Variants in EEF1E1 observed in about 807,000 individuals in gnomAD.
The protein encoded by EEF1E1 is eukaryotic translation elongation factor 1 epsilon 1.
In EEF1E1, 19 loss-of-function variants were observed where a neutral mutation model predicts 19.9. The observed-to-expected ratio is 0.95, with a 90% confidence interval of 0.66 to 1.40. EEF1E1 has a LOEUF of 1.40. Ranked by LOEUF, EEF1E1 falls within the 40% of genes most tolerant of loss-of-function variation. EEF1E1 has a pLI of 0.00. For missense variants in EEF1E1, 198 were observed against 202.2 expected (o/e 0.98, Z 0.13); for synonymous variants, 81 against 80.0 (o/e 1.01, Z -0.07).
chr6:8,078,836 T>G (rs1381171233), downstream of EEF1E1: 2 of 1,133,748 alleles, frequency 1.8e-6, no homozygotes, highest in Non-Finnish European at 2.2e-6. Flanking sequence ...AATTTAGCAT[T>G]ATCTTTTTAT....
chr6:8,075,797 C>T (rs575859621), downstream of EEF1E1, among the ~76,000 whole-genome samples: 2 of 152,208 alleles, frequency 1.3e-5, no homozygotes, highest in Non-Finnish European at 2.9e-5. Flanking sequence ...GATGGCATTT[C>T]AACCAAAGTA....
At chr6:8,084,647 C>G (rs1757801917) in intron 3 of EEF1E1, among the ~76,000 whole-genome samples, 1 of 152,168 alleles carries the variant, frequency 6.6e-6, no homozygotes, top group Non-Finnish European at 1.5e-5. Context: ...CAAAGGACGA[C>G]TGATGATATT....
At chr6:8,094,123 C>A (rs762037066) in intron 2 of EEF1E1, among the ~76,000 whole-genome samples, 12 of 151,888 alleles carry the variant, frequency 7.9e-5, no homozygotes, top group Non-Finnish European at 1.8e-4. Flanking sequence ...TTTAAATTTT[C>A]TTGTTTTGGT....
downstream of EEF1E1, chr6:8,079,306 T>C (rs1273556538): frequency 1.6e-6 from 1 of 622,042 alleles, no homozygotes; most frequent in African/African-American, 2.0e-5. Flanking sequence ...AAGAGGAATG[T>C]ATCTTACTCC....
At chr6:8,077,729 C>T (rs1280218871), downstream of EEF1E1, among the ~76,000 whole-genome samples, 1 of 152,224 alleles carries the variant, frequency 6.6e-6, no homozygotes, top group African/African-American at 2.4e-5. Flanking sequence ...CAAACTTTCT[C>T]CCTACCAGCA....
chr6:8,079,986 A>G lies in EEF1E1; in HGVS notation c.429T>C (p.Ser143=), dbSNP rs1334639424. 1.2e-6 allele frequency: 2 copies of G among 1,613,730 alleles called. No homozygotes were observed. Among genetic ancestry groups the G allele is most frequent in the Middle Eastern group, 1.7e-4 (1 of 6,028 alleles). Residue 143 remains serine, a synonymous_variant, in exon 4 of 4, where the codon TCT becomes TCC. Transcript: ENST00000379715. ...AATGCTGAATGTGACAAAACCAGCG[A>G]GACACATTAAGATATTTCTCCTTTT... The part of the protein sequence containing the change: ...VQEKEKYLNV[S]RWFCHIQHYP...
rs1158396672 is a variant in EEF1E1, at chr6:8,099,275, T to A, written c.88-1808A>T. Among the ~76,000 whole-genome samples the A allele has an allele frequency of 3.3e-5, 5 of 152,242 alleles. No individual in the cohort carries two copies. The East Asian group carries it at 7.7e-4, about 23-fold the overall frequency. Reference sequence around the variant, plus strand: ...GCTCCCTTAAGATTATAATCAAGTATTTTTACTGTACCTTTTCTATGTTTC... The same window carrying A: ...GCTCCCTTAAGATTATAATCAAGTAATTTTACTGTACCTTTTCTATGTTTC... On this transcript the variant is annotated intron_variant, in intron 1 of 3. Transcript: ENST00000379715.
chr6:8,097,496 T>C (rs760582311), intron 1 of EEF1E1, 29 bp from the exon 2 acceptor site: 2 of 1,581,788 alleles, frequency 1.3e-6, no homozygotes, highest in African/African-American at 2.7e-5. Flanking sequence ...TTCACAGAAT[T>C]TAAAAAACAA....
intron 1 of EEF1E1, chr6:8,101,947 A>T: frequency 8.0e-7 from 1 of 1,253,104 alleles, no homozygotes; most frequent in South Asian, 1.3e-5. Context: ...CCACCTGGCC[A>T]AAAAGCAAGC....
rs115235957 is a variant in EEF1E1, at chr6:8,082,737, T to C, written c.385-2707A>G. On this transcript the variant is annotated intron_variant, in intron 3 of 3. Transcript: ENST00000379715. ...TGAGGTTACGGTTACCACTTTCACCTCTTTTTACAGTTTAAACTTTGGAAC... is the reference window on the plus strand; with the variant it reads ...TGAGGTTACGGTTACCACTTTCACCCCTTTTTACAGTTTAAACTTTGGAAC... 7.7e-3 allele frequency among the ~76,000 whole-genome samples: 1,176 copies of C among 152,340 alleles called. 15 individuals are homozygous for C. The highest frequency in any genetic ancestry group is 0.026 in the African/African-American group (1,098 of 41,572).
intron 1 of EEF1E1, among the ~76,000 whole-genome samples, chr6:8,097,693 C>T (rs1325728715): frequency 6.6e-6 from 1 of 152,076 alleles, no homozygotes; most frequent in Non-Finnish European, 1.5e-5. Flanking sequence ...TTGCAAAAAT[C>T]CGTATAATAT....
intron 3 of EEF1E1, among the ~76,000 whole-genome samples, chr6:8,081,969 T>A (rs1581457149): frequency 6.6e-6 from 1 of 152,236 alleles, no homozygotes; most frequent in African/African-American, 2.4e-5. Flanking sequence ...AATAGAGTAC[T>A]AATGCTTGTT....
chr6:8,076,976 G>T (rs1384109043), downstream of EEF1E1, among the ~76,000 whole-genome samples: 49 of 92,562 alleles, frequency 5.3e-4, no homozygotes, highest in South Asian at 3.2e-3. Context: ...GGAGTCTCGC[G>T]CTGTCGCCCA....
intron 2 of EEF1E1, 22 bp from the exon 3 acceptor site, chr6:8,090,303 TA>T (rs1306056956): frequency 6.4e-6 from 9 of 1,416,710 alleles, no homozygotes; most frequent in Non-Finnish European, 3.7e-6. Flanking sequence ...AAAAAACAAA[TA>T]AATATTAATG....
At chr6:8,100,452 A>G (rs1402633839) in intron 1 of EEF1E1, among the ~76,000 whole-genome samples, 1 of 152,200 alleles carries the variant, frequency 6.6e-6, no homozygotes, top group African/African-American at 2.4e-5. Context: ...GAAAGCAAAA[A>G]GAGAAGGGCG....
chr6:8,073,625 C>G lies in EEF1E1; in HGVS notation c.385-115G>C, dbSNP rs1263019002. ...TTATTGTTGTTATTAAAAGTTTTAA[C>G]AGATATTTTAAAAAGTATTAACAGA... On this transcript the variant is annotated intron_variant, in intron 3 of 3. Transcript: ENST00000429723. 1.5e-5 allele frequency: 21 copies of G among 1,388,572 alleles called. No individual in the cohort carries two copies. In the East Asian group the frequency reaches 5.4e-4, roughly 36 times the overall value. 86.0% of individuals were successfully genotyped at this position (1,388,572 alleles called of 1,614,324 possible).
Position 8,090,258 on chromosome 6 carries a change from A to T in EEF1E1, c.312T>A (p.Asp104Glu), listed in dbSNP as rs1306082962. ...AGTTATACCCTGTAAGGTAGACTTT[A>T]TCTTCAAGATATGAATTAAGATCCT... ...LLKDLNSYLEDKVYLTGYNFT... is the reference protein window; with the variant it reads ...LLKDLNSYLEEKVYLTGYNFT... Residue 104 changes from aspartate to glutamate, a missense_variant, in exon 3 of 4, where the codon GAT becomes GAA. By Grantham distance (45) the Asp-to-Glu change is conservative (BLOSUM62 2). Coordinates refer to ENST00000379715, the MANE Select transcript of EEF1E1 (RefSeq NM_004280.5). 2.7e-6 allele frequency: 4 copies of T among 1,488,904 alleles called. No homozygotes were observed. Among genetic ancestry groups the T allele is most frequent in the Non-Finnish European group, 2.7e-6 (3 of 1,127,832 alleles). 92.2% of individuals were successfully genotyped at this position (1,488,904 alleles called of 1,614,324 possible).
At chr6:8,092,779 T>C (rs1758048247) in intron 2 of EEF1E1, among the ~76,000 whole-genome samples, 1 of 151,046 alleles carries the variant, frequency 6.6e-6, no homozygotes, top group South Asian at 2.1e-4. Context: ...TTTCAAGAAG[T>C]ATTTAAAGAC....
rs1757745117 is a variant in EEF1E1, at chr6:8,082,418, C to T, written c.385-2388G>A. On this transcript the variant is annotated intron_variant, in intron 3 of 3. Coordinates refer to ENST00000379715, the MANE Select transcript of EEF1E1 (RefSeq NM_004280.5). Reference sequence around the variant, plus strand: ...TCAGCCTCCTGAGTAGCTGGGACTACAGTCACATACCACCACACCTGGCTA... The same window carrying T: ...TCAGCCTCCTGAGTAGCTGGGACTATAGTCACATACCACCACACCTGGCTA... 2.0e-5 allele frequency among the ~76,000 whole-genome samples: 3 copies of T among 152,140 alleles called. 1 individual carries two copies. The highest frequency in any genetic ancestry group is 6.5e-5 in the Admixed American group (1 of 15,270).
Sources: gnomAD v4.1 joint callset for allele counts (sites outside exome capture counted in the v4.1 genomes callset) on GRCh38, gnomAD v4.1.1 for gene constraint, MANE v1.5 for transcripts, NCBI Gene and HGNC (gene_info 2026-07-23, HGNC 2026-07-21) for gene names.